SOX6: variants seen among roughly 807,000 people sequenced by gnomAD.
SOX6 encodes transcription factor SOX-6.
Under a neutral mutation model 97.8 loss-of-function variants are expected in SOX6, and 11 were observed. The observed-to-expected ratio is 0.11, with a 90% CI of 0.07 to 0.19. SOX6 has a LOEUF of 0.19. SOX6 is among the 10% of genes least tolerant of loss of function. The pLI, the probability that SOX6 is intolerant of heterozygous loss-of-function variation, is 1.00. For missense variants in SOX6, 810 were observed against 1,039.5 expected (o/e 0.78, Z 3.04); for synonymous variants, 360 against 371.4 (o/e 0.97, Z 0.35).
At chr11:16,626,643 A>G (rs1286210568) in intron 3 of SOX6, among the ~76,000 whole-genome samples, 1 of 152,194 alleles carries the variant, frequency 6.6e-6, no homozygotes, top group Non-Finnish European at 1.5e-5. Flanking sequence ...GAAAATTGAT[A>G]TTTAACACCA....
chr11:16,719,762 A>G (rs1164287433), intron 2 of SOX6, among the ~76,000 whole-genome samples: 1 of 152,122 alleles, frequency 6.6e-6, no homozygotes, highest in Non-Finnish European at 1.5e-5. Context: ...CACCTCTACA[A>G]AAAATAAACA....
At chr11:16,299,031 GTTAC>G (rs976903162) in intron 3 of SOX6, among the ~76,000 whole-genome samples, 7 of 152,126 alleles carry the variant, frequency 4.6e-5, no homozygotes, top group African/African-American at 1.2e-4. Context: ...CTTTTATTGT[GTTAC>G]TTATTTAGTT....
intron 1 of SOX6, among the ~76,000 whole-genome samples, chr11:16,462,028 CT>C (rs1320537880): frequency 7.2e-5 from 11 of 152,212 alleles, no homozygotes; most frequent in African/African-American, 2.7e-4. Flanking sequence ...TTAGTATATA[CT>C]TGTGGAGCTG....
chr11:16,301,668 T>A (rs368290563), intron 3 of SOX6, among the ~76,000 whole-genome samples: 2 of 152,186 alleles, frequency 1.3e-5, no homozygotes, highest in African/African-American at 4.8e-5. Context: ...GTCACTTCCC[T>A]TATTTTATAT....
intron 1 of SOX6, among the ~76,000 whole-genome samples, chr11:16,456,007 G>A (rs183907446): frequency 6.6e-6 from 1 of 152,036 alleles, no homozygotes; most frequent in Non-Finnish European, 1.5e-5. Context: ...CCCCAAATCA[G>A]CCATAATGTG....
At chr11:16,218,558 G>T (rs1213242018) in intron 4 of SOX6, among the ~76,000 whole-genome samples, 1 of 152,052 alleles carries the variant, frequency 6.6e-6, no homozygotes, top group Non-Finnish European at 1.5e-5. Context: ...TTGTGCACCT[G>T]TTGTGATGGA....
intron 13 of SOX6, among the ~76,000 whole-genome samples, chr11:15,993,057 G>A (rs1490544315): frequency 1.3e-5 from 2 of 152,088 alleles, no homozygotes; most frequent in Non-Finnish European, 2.9e-5. Context: ...AATGGTTAAA[G>A]AATTGTTGCC....
intron 3 of SOX6, among the ~76,000 whole-genome samples, chr11:16,251,747 T>C (rs2134200411): frequency 6.6e-6 from 1 of 151,930 alleles, no homozygotes; most frequent in East Asian, 1.9e-4. Context: ...GACAGGGACA[T>C]TATGAAAAAA....
intron 3 of SOX6, among the ~76,000 whole-genome samples, chr11:16,710,185 T>C (rs1156482467): frequency 6.6e-6 from 1 of 152,188 alleles, no homozygotes; most frequent in East Asian, 1.9e-4. Flanking sequence ...AAAATTAACA[T>C]CTTGAAGGGA....
At chr11:16,559,288 T>G (rs2133190124) in intron 4 of SOX6, among the ~76,000 whole-genome samples, 1 of 151,966 alleles carries the variant, frequency 6.6e-6, no homozygotes, top group Middle Eastern at 3.4e-3. Flanking sequence ...AAAGTTTCTT[T>G]AAGACATTAC....
intron 9 of SOX6, among the ~76,000 whole-genome samples, chr11:16,073,093 T>A (rs1171241025): frequency 6.6e-6 from 1 of 152,088 alleles, no homozygotes; most frequent in East Asian, 1.9e-4. Context: ...CCTGCACATA[T>A]CAATATTAAC....
At chr11:16,001,775 A>G (rs1241106692) in intron 13 of SOX6, among the ~76,000 whole-genome samples, 1 of 152,176 alleles carries the variant, frequency 6.6e-6, no homozygotes, top group East Asian at 1.9e-4. Context: ...TGGGATGAAA[A>G]CAATGCTAAA....
intron 3 of SOX6, among the ~76,000 whole-genome samples, chr11:16,296,703 T>C (rs985638345): frequency 1.4e-4 from 21 of 152,088 alleles, no homozygotes; most frequent in Admixed American, 1.3e-3. Context: ...ATTTAACAGC[T>C]TTAGAACAGT....
Position 15,969,185 on chromosome 11 carries a change from T to G in SOX6, c.*3624A>C, listed in dbSNP as rs549895977. 1 of 152,110 alleles carries G rather than the reference T, an allele frequency of 6.6e-6. No homozygotes were observed. The highest frequency in any genetic ancestry group is 2.4e-5 in the African/African-American group (1 of 41,512). The allele number at this position is 152,110 out of a possible 1,614,324, so 9.4% of individuals were successfully genotyped here. ...TTTAACAAAATGGAGATAATTTTTA[T>G]TTTTGATTTGAAGATACTATGAAAT... On this transcript the variant is annotated 3_prime_UTR_variant, in exon 16 of 16. Coordinates refer to ENST00000683767, the MANE Select transcript of SOX6 (RefSeq NM_001367873.1).
intron 2 of SOX6, among the ~76,000 whole-genome samples, chr11:16,730,473 A>T (rs1848341157): frequency 6.6e-6 from 1 of 152,232 alleles, no homozygotes; most frequent in Non-Finnish European, 1.5e-5. Context: ...ATGGAAACTG[A>T]ACAACCTGCT....
intron 14 of SOX6, among the ~76,000 whole-genome samples, chr11:15,987,029 G>A (rs1054807049): frequency 4.6e-5 from 7 of 152,088 alleles, no homozygotes; most frequent in Middle Eastern, 3.2e-3. Flanking sequence ...TACTATAAAC[G>A]CTCATTCAAA....
intron 4 of SOX6, among the ~76,000 whole-genome samples, chr11:16,544,525 G>T (rs1337255483): frequency 6.6e-6 from 1 of 152,128 alleles, no homozygotes; most frequent in Non-Finnish European, 1.5e-5. Context: ...CTCCCAAAGT[G>T]CTGGGATTAC....
chr11:16,297,151 T>C (rs1024425657), intron 3 of SOX6, among the ~76,000 whole-genome samples: 3 of 152,170 alleles, frequency 2.0e-5, no homozygotes, highest in Non-Finnish European at 2.9e-5. Flanking sequence ...TAACTAATGT[T>C]ACTTTCATAA....
chr11:16,718,366 C>A (rs1261828476), intron 2 of SOX6, among the ~76,000 whole-genome samples: 1 of 151,976 alleles, frequency 6.6e-6, no homozygotes, highest in Non-Finnish European at 1.5e-5. Flanking sequence ...GCTTGAATTT[C>A]TTCTTTATTT....
Sources: gnomAD v4.1 joint callset for allele counts (sites outside exome capture counted in the v4.1 genomes callset) on GRCh38, gnomAD v4.1.1 for gene constraint, MANE v1.5 for transcripts, NCBI Gene and HGNC (gene_info 2026-07-23, HGNC 2026-07-21) for gene names.